Variants in DNAJC3 observed in about 807,000 individuals in gnomAD.
The protein encoded by DNAJC3 is dnaJ homolog subfamily C member 3.
In DNAJC3, 38 loss-of-function variants were observed where a neutral mutation model predicts 68.6. The ratio of observed to expected loss-of-function variants is 0.55; its 90% CI spans 0.43 to 0.73. The LOEUF (loss-of-function observed/expected upper bound fraction) is 0.73, where lower values mean the gene tolerates loss of function less well. Ranked by LOEUF, DNAJC3 falls within the 30% of genes least tolerant of loss-of-function variation. The pLI is 0.00. For missense variants in DNAJC3, 526 were observed against 591.9 expected (o/e 0.89, Z 1.16); for synonymous variants, 203 against 204.0 (o/e 1.00, Z 0.04).
chr13:95,781,302 A>G (rs12583795), intron 9 of DNAJC3, among the ~76,000 whole-genome samples: 77,785 of 151,832 alleles, frequency 0.51, 19,996 homozygotes, highest in East Asian at 0.65. Flanking sequence ...CAGCCATCCC[A>G]TAGTCATCTC....
intron 9 of DNAJC3, among the ~76,000 whole-genome samples, chr13:95,785,453 T>A (rs1028178927): frequency 2.8e-4 from 7 of 25,132 alleles, no homozygotes; most frequent in Admixed American, 6.2e-4. Context: ...CTTTTAAACC[T>A]TTTTTTTTTT....
intron 11 of DNAJC3, among the ~76,000 whole-genome samples, chr13:95,787,831 A>G (rs1352241851): frequency 6.6e-6 from 1 of 152,110 alleles, no homozygotes; most frequent in African/African-American, 2.4e-5. Flanking sequence ...ATACAGTAAT[A>G]TGGCCTGGAA....
At chr13:95,734,959 T>A (rs1267354372) in intron 4 of DNAJC3, among the ~76,000 whole-genome samples, 2 of 119,964 alleles carry the variant, frequency 1.7e-5, no homozygotes, top group African/African-American at 6.3e-5. Flanking sequence ...CCCGATGCTA[T>A]CCCTCCCCCC....
chr13:95,742,991 GC>G, intron 4 of DNAJC3: 2 of 407,774 alleles, frequency 4.9e-6, no homozygotes, highest in South Asian at 1.8e-5. Flanking sequence ...CATTTGTTTT[GC>G]CTTTAGGTAT....
At chr13:95,727,795 A>G (rs984789833) in intron 4 of DNAJC3, among the ~76,000 whole-genome samples, 1 of 152,134 alleles carries the variant, frequency 6.6e-6, no homozygotes, top group Non-Finnish European at 1.5e-5. Flanking sequence ...ACTTTATCAC[A>G]TGTGTTGGTT....
intron 9 of DNAJC3, among the ~76,000 whole-genome samples, chr13:95,764,721 C>CAT (rs575061502): frequency 1.1e-3 from 116 of 106,844 alleles, no homozygotes; most frequent in South Asian, 1.4e-3. Context: ...TATATATACA[C>CAT]ATATATATAT....
chr13:95,685,651 C>G (rs1880054643), intron 1 of DNAJC3, among the ~76,000 whole-genome samples: 1 of 151,616 alleles, frequency 6.6e-6, no homozygotes, highest in Admixed American at 6.6e-5. Context: ...GAATTGTAAT[C>G]CCTAATGTTG....
At chr13:95,763,980 G>T (rs756805768) in intron 9 of DNAJC3, 27 bp downstream of exon 9, 2 of 1,605,834 alleles carry the variant, frequency 1.2e-6, no homozygotes, top group African/African-American at 1.3e-5. Context: ...TTGATTTGCA[G>T]TACCGAAGTG....
intron 9 of DNAJC3, among the ~76,000 whole-genome samples, chr13:95,768,418 G>T (rs1347796195): frequency 6.6e-6 from 1 of 152,156 alleles, no homozygotes; most frequent in African/African-American, 2.4e-5. Flanking sequence ...GGACTAACCT[G>T]TGACTGCTGC....
intron 2 of DNAJC3, among the ~76,000 whole-genome samples, chr13:95,716,936 G>T (rs923368814): frequency 6.6e-6 from 1 of 152,112 alleles, no homozygotes; most frequent in Non-Finnish European, 1.5e-5. Context: ...CAGGCCCAAG[G>T]GTGCAGCCCT....
intron 9 of DNAJC3, among the ~76,000 whole-genome samples, chr13:95,779,366 T>C (rs539974071): frequency 3.5e-4 from 53 of 152,236 alleles, no homozygotes; most frequent in East Asian, 1.5e-3. Context: ...CCTCGTGATC[T>C]GCCCACTGCG....
intron 7 of DNAJC3, among the ~76,000 whole-genome samples, chr13:95,761,634 T>G (rs913687176): frequency 6.6e-6 from 1 of 152,226 alleles, no homozygotes; most frequent in South Asian, 2.1e-4. Flanking sequence ...GTTGCCCTTA[T>G]AGCCACACCT....
At chr13:95,705,291 GATT>G (rs2139621196) in intron 1 of DNAJC3, among the ~76,000 whole-genome samples, 1 of 152,216 alleles carries the variant, frequency 6.6e-6, no homozygotes, top group South Asian at 2.1e-4. Context: ...TTATCTACCT[GATT>G]ATTAAGAGCC....
Position 95,792,888 on chromosome 13 carries a change from C to T in DNAJC3, c.*1858C>T, listed in dbSNP as rs34868890. The T allele has an allele frequency of 6.6e-6, 1 of 152,018 alleles. No homozygotes were observed. Among genetic ancestry groups the T allele is most frequent in the Non-Finnish European group, 1.5e-5 (1 of 68,012 alleles). 9.4% of individuals were successfully genotyped at this position (152,018 alleles called of 1,614,324 possible). On this transcript the variant is annotated 3_prime_UTR_variant, in exon 12 of 12. Transcript: ENST00000602402. Reference sequence around the variant, plus strand: ...TTTGAAATATAGTGATGGCTTTTACCTACTTTGAAAAGAATTTTCACATAG... The same window carrying T: ...TTTGAAATATAGTGATGGCTTTTACTTACTTTGAAAAGAATTTTCACATAG...
In DNAJC3 at chr13:95,753,895, G is replaced by T. The variant is rs544537952; in HGVS notation, c.394-3749G>T. 3.3e-5 allele frequency among the ~76,000 whole-genome samples: 5 copies of T among 152,250 alleles called. No homozygotes were observed. The South Asian group carries it at 1.0e-3, about 32-fold the overall frequency. On this transcript the variant is annotated intron_variant, in intron 4 of 11. Transcript: ENST00000602402. ...ACACATAGGTAATTACTGATTGCCAGGAATGGGGTTTAATTAATTCATTCA... is the reference window on the plus strand; with the variant it reads ...ACACATAGGTAATTACTGATTGCCATGAATGGGGTTTAATTAATTCATTCA...
intron 1 of DNAJC3, among the ~76,000 whole-genome samples, chr13:95,707,636 T>C (rs903729426): frequency 1.3e-5 from 2 of 152,196 alleles, no homozygotes; most frequent in Non-Finnish European, 2.9e-5. Flanking sequence ...GTGTCACTCA[T>C]GGTCCGTTGA....
chr13:95,782,868 T>A (rs945592187), intron 9 of DNAJC3, among the ~76,000 whole-genome samples: 3 of 152,240 alleles, frequency 2.0e-5, no homozygotes, highest in Admixed American at 6.5e-5. Context: ...TTGCTTTTGA[T>A]GTTTCATGAA....
intron 6 of DNAJC3, 59 bp from the exon 7 acceptor site, chr13:95,760,620 A>G (rs545324532): frequency 6.5e-7 from 1 of 1,548,414 alleles, no homozygotes; most frequent in Admixed American, 2.2e-5. Flanking sequence ...ATTTCTGTGG[A>G]AAACTACTCA....
chr13:95,793,482 CTTTTTTTTTTTT>C lies in DNAJC3; in HGVS notation c.*2466_*2477del, dbSNP rs1002199198. 9 of 96,222 alleles carry C rather than the reference CTTTTTTTTTTTT, an allele frequency of 9.4e-5. No homozygotes were observed. The highest frequency in any genetic ancestry group is 2.5e-4 in the African/African-American group (6 of 23,534). The allele number at this position is 96,222 out of a possible 1,614,324, so 6.0% of individuals were successfully genotyped here. On this transcript the variant is annotated 3_prime_UTR_variant, in exon 12 of 12. Transcript: ENST00000602402. The stretch of plus-strand genomic sequence containing the variant: ...TTGGGGACTACAGGTGCCAGGTAAC[CTTTTTTTTTTTT>C]TTTTTTTTTTTTTGAGACAGAATCT...
Sources: gnomAD v4.1 joint callset for allele counts (sites outside exome capture counted in the v4.1 genomes callset) on GRCh38, gnomAD v4.1.1 for gene constraint, MANE v1.5 for transcripts, NCBI Gene and HGNC (gene_info 2026-07-23, HGNC 2026-07-21) for gene names.